HSPG2: variants seen among roughly 807,000 people sequenced by gnomAD.
HSPG2 encodes the protein basement membrane-specific heparan sulfate proteoglycan core protein.
A neutral mutation model predicts 526.6 loss-of-function variants in HSPG2; 278 were observed. That is an observed-to-expected ratio of 0.53 (90% CI 0.48 to 0.58). The LOEUF (loss-of-function observed/expected upper bound fraction) is 0.58. Among genes scored for constraint, HSPG2 ranks in the 20% least tolerant of loss-of-function variants. HSPG2 has a pLI of 0.00. For synonymous variants in HSPG2, 2,465 were observed against 2,555.4 expected, an observed-to-expected ratio of 0.96 and a Z score of 1.07; for missense variants, 5,354 against 6,099.5, an observed-to-expected ratio of 0.88 and a Z score of 4.07.
intron 1 of HSPG2, among the ~76,000 whole-genome samples, chr1:21,934,902 A>G (rs6684979): frequency 0.064 from 7,382 of 115,360 alleles, 258 homozygotes; most frequent in Middle Eastern, 0.15. Flanking sequence ...GCCCCGAAAA[A>G]CTTTTTATTG....
In HSPG2 at chr1:21,890,455, C is replaced by A. The variant is rs1388933414; in HGVS notation, c.385G>T (p.Asp129Tyr). 6.2e-7 allele frequency: 1 copy of A among 1,613,924 alleles called. No homozygotes were observed. Among genetic ancestry groups the A allele is most frequent in the Admixed American group, 1.7e-5 (1 of 59,984 alleles). Residue 129 changes from aspartate (D) to tyrosine (Y), a missense_variant, in exon 5 of 97, where the codon GAC becomes TAC. Transcript: ENST00000374695. This position sits in a 1 kb window ranked among gnomAD's most constrained non-coding sequence, Gnocchi z 4.1. ...ATGAACACCACACTGACAACCTGGTCTCCGGGAATTTTCAAGTACTCCGAC... is the reference window on the plus strand; with the variant it reads ...ATGAACACCACACTGACAACCTGGTATCCGGGAATTTTCAAGTACTCCGAC... ...LESEYLKIPG[D>Y]QVVSVVFIKE...
chr1:21,923,701 T>C (rs989534700), intron 1 of HSPG2, among the ~76,000 whole-genome samples: 1 of 152,182 alleles, frequency 6.6e-6, no homozygotes, highest in Non-Finnish European at 1.5e-5. Context: ...AGTGTCTTCC[T>C]TGAATGTAGC....
intron 1 of HSPG2, among the ~76,000 whole-genome samples, chr1:21,921,553 G>A (rs1404936806): frequency 2.0e-5 from 3 of 152,184 alleles, no homozygotes; most frequent in African/African-American, 4.8e-5. Context: ...ATTAAAGCAG[G>A]GAACACCGGA....
intron 1 of HSPG2, among the ~76,000 whole-genome samples, chr1:21,901,651 G>A (rs1039145198): frequency 1.3e-5 from 2 of 152,056 alleles, no homozygotes; most frequent in Non-Finnish European, 2.9e-5. Flanking sequence ...CTGAGCCCCC[G>A]ACTGCCCCCG....
intron 1 of HSPG2, among the ~76,000 whole-genome samples, chr1:21,910,032 A>G (rs1643580534): frequency 6.6e-6 from 1 of 152,172 alleles, no homozygotes; most frequent in African/African-American, 2.4e-5. Context: ...CCAGACTAGA[A>G]AAGCCTTCCA....
chr1:21,835,424 C>T (rs2152697815), intron 76 of HSPG2, 116 bp downstream of exon 76: 1 of 749,402 alleles, frequency 1.3e-6, no homozygotes, highest in Non-Finnish European at 2.4e-6. Context: ...GAATAATTCT[C>T]TTTATTCTGA....
At chr1:21,866,766 C>A (rs1279069792) in intron 33 of HSPG2, among the ~76,000 whole-genome samples, 1 of 152,200 alleles carries the variant, frequency 6.6e-6, no homozygotes, top group Non-Finnish European at 1.5e-5. Context: ...GGCAGACATT[C>A]ATCTCAATAC....
chr1:21,880,274 A>G lies in HSPG2; in HGVS notation c.2196-20T>C. 1 of 1,614,094 alleles carries G rather than the reference A, an allele frequency of 6.2e-7. No homozygotes were observed. The highest frequency in any genetic ancestry group is 1.1e-5 in the South Asian group (1 of 91,080). On this transcript the variant is annotated intron_variant, in intron 16 of 96. Transcript: ENST00000374695. Reference sequence around the variant, plus strand: ...GGGCATCTGTGGGGACAGGACCAAAAGAGTCGCTGCAAGGACGGTGAGGCC... The same window carrying G: ...GGGCATCTGTGGGGACAGGACCAAAGGAGTCGCTGCAAGGACGGTGAGGCC...
intron 17 of HSPG2, 93 bp downstream of exon 17, chr1:21,880,014 C>G: frequency 1.4e-6 from 2 of 1,444,182 alleles, no homozygotes; most frequent in Non-Finnish European, 1.9e-6. Context: ...GACAGTCATT[C>G]TGGAGGCTTG....
chr1:21,908,532 GA>G, intron 1 of HSPG2: 1 of 953,548 alleles, frequency 1.0e-6, no homozygotes, highest in Non-Finnish European at 1.7e-6. Flanking sequence ...GAACCAATGG[GA>G]AGGAGCCTGA....
chr1:21,859,664 T>C lies in HSPG2; in HGVS notation c.5195A>G (p.His1732Arg). Residue 1732 changes from histidine (H) to arginine (R), a missense_variant, in exon 42 of 97, where the codon CAC becomes CGC. Physicochemically the swap from His to Arg is conservative, Grantham distance 29 (BLOSUM62 0). Coordinates refer to ENST00000374695, the MANE Select transcript of HSPG2 (RefSeq NM_005529.7). This position sits in a 1 kb window ranked among gnomAD's most constrained non-coding sequence, Gnocchi z 5.3. ...ATCCGAGGGCTGGACGCTGGGGAAG[T>C]GGAGCTCGGAGCCTGGTGGGGAGGA... Reference protein sequence around the residue: ...TQQRHQGSELHFPSVQPSDAG... With the variant: ...TQQRHQGSELRFPSVQPSDAG... 1 of 1,607,982 alleles carries C rather than the reference T, an allele frequency of 6.2e-7. No homozygotes were observed. Among genetic ancestry groups the C allele is most frequent in the Non-Finnish European group, 8.5e-7 (1 of 1,177,474 alleles).
At chr1:21,886,756 G>T (rs1641924724) in intron 9 of HSPG2, among the ~76,000 whole-genome samples, 1 of 152,180 alleles carries the variant, frequency 6.6e-6, no homozygotes, top group Admixed American at 6.5e-5. Context: ...GATAATGGGT[G>T]TATAGGTGGG....
Position 21,855,290 on chromosome 1 carries a change from G to T in HSPG2, c.5997+14C>A. 1 of 1,597,592 alleles carries T rather than the reference G, an allele frequency of 6.3e-7. No homozygotes were observed. Among genetic ancestry groups the T allele is most frequent in the Non-Finnish European group, 8.5e-7 (1 of 1,173,162 alleles). On this transcript the variant is annotated intron_variant, in intron 47 of 96. Coordinates refer to ENST00000374695, the MANE Select transcript of HSPG2 (RefSeq NM_005529.7). Reference sequence around the variant, plus strand: ...CTGTGGGCCTCCTCCTCCTGGGTGGGCCCATCTCCTCACCTGTGGTGGGAG... The same window carrying T: ...CTGTGGGCCTCCTCCTCCTGGGTGGTCCCATCTCCTCACCTGTGGTGGGAG...
rs529178143 is a variant in HSPG2 at position 21,854,742 on chromosome 1, C to T, written c.6157G>A (p.Val2053Ile). Residue 2053 changes from valine to isoleucine, a missense_variant, in exon 49 of 97, where the codon GTC becomes ATC. Transcript: ENST00000374695. ...LSASDASPPP[V>I]KIESSSPSVT... ...GAAGGCGATGAGGACTCAATCTTGACCGGCGGTGGGCTGGCATCTGAGGCT... is the reference window on the plus strand; with the variant it reads ...GAAGGCGATGAGGACTCAATCTTGATCGGCGGTGGGCTGGCATCTGAGGCT... The T allele has an allele frequency of 1.9e-6, 3 of 1,613,744 alleles. No individual in the cohort carries two copies. Among genetic ancestry groups the T allele is most frequent in the Non-Finnish European group, 8.5e-7 (1 of 1,179,864 alleles).
chr1:21,932,665 A>G (rs1644377184), intron 1 of HSPG2, among the ~76,000 whole-genome samples: 1 of 152,236 alleles, frequency 6.6e-6, no homozygotes, highest in Admixed American at 6.5e-5. Context: ...GGTAAGGACC[A>G]GAAAGAGGGA....
At position 21,895,896 on chromosome 1, in the gene HSPG2, C is replaced by T; in HGVS notation, c.244+26G>A. 1.9e-6 allele frequency: 3 copies of T among 1,609,588 alleles called. No homozygotes were observed. The highest frequency in any genetic ancestry group is 2.6e-6 in the Non-Finnish European group (3 of 1,176,100). The stretch of plus-strand genomic sequence containing the variant: ...GCTTCCCTGGGGGACAGGAGGGAGA[C>T]CTGCAGGAGGCCTGCAGCAACTTAC... On this transcript the variant is annotated intron_variant, in intron 3 of 96. Coordinates refer to ENST00000374695, the MANE Select transcript of HSPG2 (RefSeq NM_005529.7). The surrounding 1 kb of genome is among the most constrained non-coding windows in gnomAD (Gnocchi z 4.1).
chr1:21,894,917 C>A (rs545195615), intron 3 of HSPG2, among the ~76,000 whole-genome samples: 1 of 152,356 alleles, frequency 6.6e-6, no homozygotes, highest in African/African-American at 2.4e-5. Context: ...AACCTTCAGG[C>A]AGAGCCCCAA....
intron 39 of HSPG2, among the ~76,000 whole-genome samples, chr1:21,860,498 A>ATT (rs35087204): frequency 1.4e-5 from 2 of 147,424 alleles, no homozygotes; most frequent in South Asian, 2.1e-4. Flanking sequence ...GCAAACGTCC[A>ATT]TTTTTTTTTT....
At chr1:21,892,443 G>T (rs977868949) in intron 3 of HSPG2, among the ~76,000 whole-genome samples, 1 of 152,270 alleles carries the variant, frequency 6.6e-6, no homozygotes, top group African/African-American at 2.4e-5. Context: ...CCTGGGAAGG[G>T]CACAGGCCCT....
Sources: allele counts gnomAD v4.1 joint callset (sites outside exome capture counted in the v4.1 genomes callset), GRCh38; gene constraint gnomAD v4.1.1; non-coding constraint Gnocchi (gnomAD v3.1); transcripts MANE v1.5; gene names NCBI Gene and HGNC (gene_info 2026-07-23, HGNC 2026-07-21).